Variants in ZNF385D observed in about 807,000 individuals in gnomAD.
The protein encoded by ZNF385D is zinc finger protein 385D, also known as zinc finger protein 659.
A neutral mutation model predicts 35.8 loss-of-function variants in ZNF385D; 15 were observed. The ratio of observed to expected loss-of-function variants is 0.42; its 90% CI spans 0.28 to 0.64. ZNF385D has a LOEUF of 0.64. Among genes scored for constraint, ZNF385D ranks in the 30% least tolerant of loss-of-function variants. ZNF385D has a pLI of 0.23. For synonymous variants in ZNF385D, 212 were observed against 186.8 expected (o/e 1.13, Z -1.10); for missense variants, 474 against 494.6 (o/e 0.96, Z 0.39).
intron 3 of ZNF385D, among the ~76,000 whole-genome samples, chr3:21,926,751 A>G (rs551561558): frequency 6.7e-4 from 102 of 152,234 alleles, no homozygotes; most frequent in Non-Finnish European, 1.3e-3. Context: ...CAAAGACTTC[A>G]TGACTAAAAC....
intron 1 of ZNF385D, among the ~76,000 whole-genome samples, chr3:21,749,747 T>C (rs2069967136): frequency 6.6e-6 from 1 of 152,216 alleles, no homozygotes; most frequent in South Asian, 2.1e-4. Flanking sequence ...CTAAAGGCAT[T>C]TAGCTTTTGG....
chr3:22,070,632 G>T (rs1438940208), intron 3 of ZNF385D, among the ~76,000 whole-genome samples: 1 of 152,052 alleles, frequency 6.6e-6, no homozygotes, highest in East Asian at 1.9e-4. Context: ...AAGTACTATA[G>T]TAAGTCCAGG....
chr3:22,168,977 T>C (rs1271652150), exon 3 of ZNF385D: 8 of 985,742 alleles, frequency 8.1e-6, no homozygotes, highest in East Asian at 1.1e-4. Flanking sequence ...CTGGTTTTTC[T>C]TCAAAGTCAT....
At chr3:21,996,205 G>A (rs1695456185) in intron 3 of ZNF385D, among the ~76,000 whole-genome samples, 1 of 152,170 alleles carries the variant, frequency 6.6e-6, no homozygotes, top group African/African-American at 2.4e-5. Context: ...ACTCCCAGCA[G>A]CTTCCTATAC....
chr3:22,061,342 G>C (rs1027282925), intron 3 of ZNF385D, among the ~76,000 whole-genome samples: 1 of 151,872 alleles, frequency 6.6e-6, no homozygotes, highest in Non-Finnish European at 1.5e-5. Flanking sequence ...ATGTATTTTA[G>C]TCCCCCCATT....
chr3:21,690,862 G>A (rs956338353), intron 1 of ZNF385D, among the ~76,000 whole-genome samples: 2 of 152,164 alleles, frequency 1.3e-5, no homozygotes, highest in East Asian at 3.9e-4. Context: ...CACGCTGCAT[G>A]TCATCATTCA....
intron 1 of ZNF385D, among the ~76,000 whole-genome samples, chr3:21,737,681 A>G (rs9811558): frequency 0.02 from 3,066 of 152,308 alleles, 114 homozygotes; most frequent in African/African-American, 0.069. Context: ...AAGTACAAAA[A>G]TATTCTATTG....
intron 3 of ZNF385D, among the ~76,000 whole-genome samples, chr3:22,094,323 A>AC (rs1238219605): frequency 4.1e-5 from 5 of 121,698 alleles, no homozygotes; most frequent in African/African-American, 1.6e-4. Flanking sequence ...CTTAAGTTGT[A>AC]CCCTTTTTTT....
chr3:22,112,067 T>C (rs1015896911), intron 3 of ZNF385D, among the ~76,000 whole-genome samples: 3 of 152,178 alleles, frequency 2.0e-5, no homozygotes, highest in Non-Finnish European at 4.4e-5. Context: ...TTACTTTACT[T>C]GAGCACTGAT....
intron 2 of ZNF385D, among the ~76,000 whole-genome samples, chr3:21,639,238 A>G (rs1238800216): frequency 6.6e-6 from 1 of 152,044 alleles, no homozygotes; most frequent in African/African-American, 2.4e-5. Flanking sequence ...ATCTTCTGGA[A>G]TACTTTATAT....
intron 2 of ZNF385D, among the ~76,000 whole-genome samples, chr3:22,210,772 G>A (rs1401702825): frequency 6.6e-6 from 1 of 151,772 alleles, no homozygotes; most frequent in South Asian, 2.1e-4. Flanking sequence ...CTAGCCATAT[G>A]GAACAAGAGC....
Position 21,421,411 on chromosome 3 carries a change from A to G in ZNF385D, c.991T>C (p.Leu331=), listed in dbSNP as rs1451906746. Residue 331 remains leucine (L), a synonymous_variant, in exon 8 of 8, where the codon TTG becomes CTG. Coordinates refer to ENST00000281523, the MANE Select transcript of ZNF385D (RefSeq NM_024697.3). ...LVFSKEPSKP[L]APRILPNPLA... ...GGATTTGGTAGAATTCGTGGAGCCA[A>G]TGGCTTTGAAGGTTCTTTTGAAAAT... is the stretch of plus-strand genomic sequence containing the variant. 1.2e-6 allele frequency: 2 copies of G among 1,613,798 alleles called. No individual in the cohort carries two copies. The highest frequency in any genetic ancestry group is 1.7e-6 in the Non-Finnish European group (2 of 1,179,794).
intron 1 of ZNF385D, among the ~76,000 whole-genome samples, chr3:21,735,653 A>T (rs554526960): frequency 1.3e-5 from 2 of 152,320 alleles, no homozygotes; most frequent in African/African-American, 4.8e-5. Flanking sequence ...ATTCCTAATT[A>T]GCATATCATT....
intron 1 of ZNF385D, among the ~76,000 whole-genome samples, chr3:21,748,548 C>A (rs1047195050): frequency 6.6e-6 from 1 of 152,150 alleles, no homozygotes; most frequent in Admixed American, 6.5e-5. Context: ...GCTGGGGACA[C>A]AAATAAAGGA....
intron 3 of ZNF385D, among the ~76,000 whole-genome samples, chr3:21,935,615 C>G (rs1701220760): frequency 6.6e-6 from 1 of 152,110 alleles, no homozygotes; most frequent in Non-Finnish European, 1.5e-5. Flanking sequence ...GTCCACTTTT[C>G]TGGAAAGAGT....
intron 2 of ZNF385D, among the ~76,000 whole-genome samples, chr3:21,638,867 T>C (rs780016022): frequency 7.9e-5 from 12 of 152,104 alleles, no homozygotes; most frequent in Non-Finnish European, 1.3e-4. Context: ...CAATAACATG[T>C]GAACCCTTTA....
At chr3:22,169,026 C>G in exon 3 of ZNF385D, 1 of 985,748 alleles carries the variant, frequency 1.0e-6, no homozygotes, top group Non-Finnish European at 1.2e-6. Context: ...ATCGTGTACA[C>G]AGGTGAAATC....
chr3:21,927,890 C>A (rs1429564773), intron 3 of ZNF385D, among the ~76,000 whole-genome samples: 3 of 152,090 alleles, frequency 2.0e-5, no homozygotes, highest in African/African-American at 7.2e-5. Flanking sequence ...CTCTCGATAA[C>A]AGCACAACTA....
intron 3 of ZNF385D, chr3:21,542,888 C>T (rs1235069746): frequency 7.2e-5 from 11 of 152,414 alleles, no homozygotes; most frequent in Admixed American, 7.2e-4. Context: ...AAACCTTCTC[C>T]AAACCTAAAT....
Sources: allele counts gnomAD v4.1 joint callset (sites outside exome capture counted in the v4.1 genomes callset), GRCh38; gene constraint gnomAD v4.1.1; transcripts MANE v1.5; gene names NCBI Gene and HGNC (gene_info 2026-07-23, HGNC 2026-07-21).